MAST4: variants seen among roughly 807,000 people sequenced by gnomAD.
The protein encoded by MAST4 is microtubule associated serine/threonine kinase family member 4, also known as microtubule-associated serine/threonine-protein kinase 4.
A neutral mutation model predicts 162.7 loss-of-function variants in MAST4; 89 were observed. The ratio of observed to expected loss-of-function variants is 0.55; its 90% CI spans 0.46 to 0.65. The LOEUF (loss-of-function observed/expected upper bound fraction) is 0.65. Among genes scored for constraint, MAST4 ranks in the 30% least tolerant of loss-of-function variants. MAST4 has a pLI of 0.00. For missense variants in MAST4, 3,153 were observed against 3,374.0 expected, an observed-to-expected ratio of 0.93 and a Z score of 1.62; for synonymous variants, 1,479 against 1,361.1, an observed-to-expected ratio of 1.09 and a Z score of -1.91.
Position 66,788,712 on chromosome 5 carries a change from C to A in MAST4, c.560C>A (p.Pro187Gln). The change falls in exon 3 of 29, where the codon CCG (proline) becomes CAG (glutamine). Residue 187 changes from proline to glutamine, a missense_variant. Pro to Gln is a moderately conservative substitution (Grantham distance 76). This residue lies in a region of MAST4 where 327 missense variants were observed against 336.5 expected (regional missense o/e 0.97). Transcript: ENST00000403625. Reference sequence around the variant, plus strand: ...AACCCGGTGGCGGGACAGGCCTGGCCGGCCTCTGCAGAGACGTCCAACCTC... The same window carrying A: ...AACCCGGTGGCGGGACAGGCCTGGCAGGCCTCTGCAGAGACGTCCAACCTC... Reference protein sequence around the residue: ...LPNPVAGQAWPASAETSNLVR... With the variant: ...LPNPVAGQAWQASAETSNLVR... The A allele has an allele frequency of 6.2e-7, 1 of 1,613,546 alleles. No homozygotes were observed. The highest frequency in any genetic ancestry group is 8.5e-7 in the Non-Finnish European group (1 of 1,179,642).
chr5:66,748,381 CTTCCTTCCTTCT>C (rs1181526892), intron 1 of MAST4, among the ~76,000 whole-genome samples: 5 of 150,658 alleles, frequency 3.3e-5, no homozygotes, highest in South Asian at 2.2e-4. Context: ...TATAGGACCC[CTTCCTTCCTTCT>C]TTCCTTCCTT....
chr5:66,641,640 T>C (rs1049545407), intron 1 of MAST4, among the ~76,000 whole-genome samples: 9 of 152,080 alleles, frequency 5.9e-5, no homozygotes, highest in African/African-American at 1.9e-4. Flanking sequence ...GTGGAAAATA[T>C]AAATGATGAA....
At chr5:67,023,505 C>G (rs1197348095) in intron 4 of MAST4, among the ~76,000 whole-genome samples, 2 of 152,104 alleles carry the variant, frequency 1.3e-5, no homozygotes, top group African/African-American at 2.4e-5. Context: ...GCTTCAAGAC[C>G]TTAAAGATAC....
chr5:66,933,134 A>G (rs1193865791), intron 4 of MAST4, among the ~76,000 whole-genome samples: 1 of 152,176 alleles, frequency 6.6e-6, no homozygotes, highest in Non-Finnish European at 1.5e-5. Flanking sequence ...AGTCTTCCAT[A>G]GATTCTGTTC....
At chr5:66,620,508 T>TA (rs956423998) in intron 1 of MAST4, among the ~76,000 whole-genome samples, 2 of 151,860 alleles carry the variant, frequency 1.3e-5, no homozygotes, top group African/African-American at 2.4e-5. Context: ...TGATAGCCTT[T>TA]AAAAAAAACA....
intron 4 of MAST4, among the ~76,000 whole-genome samples, chr5:67,035,857 G>A (rs1990894): frequency 0.26 from 39,396 of 152,004 alleles, 5,588 homozygotes; most frequent in African/African-American, 0.35. Context: ...TTTAAATCGT[G>A]TCTAGGGTAC....
intron 3 of MAST4, among the ~76,000 whole-genome samples, chr5:66,850,232 G>A (rs1379492799): frequency 6.6e-6 from 1 of 152,204 alleles, no homozygotes; most frequent in South Asian, 2.1e-4. Context: ...TTTAAGTCTA[G>A]GAGAGAAACC....
chr5:66,675,285 A>G (rs1747872268), intron 1 of MAST4, among the ~76,000 whole-genome samples: 1 of 152,204 alleles, frequency 6.6e-6, no homozygotes, highest in African/African-American at 2.4e-5. Flanking sequence ...TCATTGGCAG[A>G]ACCCTCAAAC....
intron 24 of MAST4, among the ~76,000 whole-genome samples, chr5:67,151,792 G>T (rs1350055144): frequency 7.6e-6 from 1 of 131,108 alleles, no homozygotes; most frequent in African/African-American, 2.8e-5. Context: ...TTTTGAGATA[G>T]GGTCTTGCTC....
intron 4 of MAST4, among the ~76,000 whole-genome samples, chr5:67,033,939 G>A (rs1018675871): frequency 2.0e-5 from 3 of 152,090 alleles, no homozygotes; most frequent in African/African-American, 7.2e-5. Context: ...TTTCATTTTA[G>A]ATTTGTAACC....
chr5:67,108,410 G>A (rs1420013195), intron 10 of MAST4, among the ~76,000 whole-genome samples: 1 of 152,098 alleles, frequency 6.6e-6, no homozygotes, highest in Non-Finnish European at 1.5e-5. Context: ...TCATAAAGAA[G>A]ATGTAACCGT....
intron 4 of MAST4, among the ~76,000 whole-genome samples, chr5:66,958,123 G>T (rs1197687197): frequency 6.6e-6 from 1 of 151,692 alleles, no homozygotes; most frequent in Non-Finnish European, 1.5e-5. Flanking sequence ...CTCTCTCTTT[G>T]TGTGTGTGTG....
intron 4 of MAST4, among the ~76,000 whole-genome samples, chr5:66,937,127 G>A (rs189005425): frequency 7.9e-5 from 12 of 152,198 alleles, no homozygotes; most frequent in African/African-American, 2.9e-4. Flanking sequence ...AACACTTACG[G>A]TACTTTACTA....
chr5:67,112,732 C>T (rs1490059562), intron 11 of MAST4, among the ~76,000 whole-genome samples: 17 of 152,182 alleles, frequency 1.1e-4, no homozygotes. Flanking sequence ...TATCCAGAAG[C>T]TCCCCAAGTG....
At chr5:66,772,895 A>G (rs1754423053) in intron 2 of MAST4, among the ~76,000 whole-genome samples, 2 of 152,172 alleles carry the variant, frequency 1.3e-5, no homozygotes, top group Non-Finnish European at 2.9e-5. Flanking sequence ...GTCTTTGTAG[A>G]AAATGGGTTT....
At chr5:66,849,432 CCT>C (rs1202863144) in intron 3 of MAST4, among the ~76,000 whole-genome samples, 4 of 152,252 alleles carry the variant, frequency 2.6e-5, no homozygotes, top group Non-Finnish European at 4.4e-5. Context: ...TCCCCTTTCC[CCT>C]CTCTCTTTAC....
intron 3 of MAST4, among the ~76,000 whole-genome samples, chr5:66,884,681 C>G (rs958510496): frequency 1.3e-5 from 2 of 152,174 alleles, no homozygotes; most frequent in African/African-American, 4.8e-5. Flanking sequence ...CAAGGACTGT[C>G]CTAGTTTGTT....
At chr5:66,944,407 T>C (rs1272666754) in intron 4 of MAST4, among the ~76,000 whole-genome samples, 1 of 152,130 alleles carries the variant, frequency 6.6e-6, no homozygotes, top group Non-Finnish European at 1.5e-5. Context: ...AAAAATGTTA[T>C]TAAATTGGTA....
At chr5:66,774,540 C>T (rs1162821045) in intron 2 of MAST4, among the ~76,000 whole-genome samples, 1 of 152,228 alleles carries the variant, frequency 6.6e-6, no homozygotes, top group African/African-American at 2.4e-5. Context: ...TTCCACCTCT[C>T]TCTCCTTTGA....
Sources: gnomAD v4.1 joint callset for allele counts (sites outside exome capture counted in the v4.1 genomes callset) on GRCh38, gnomAD v4.1.1 for gene constraint, gnomAD v4.1.1 regional missense constraint, MANE v1.5 for transcripts, NCBI Gene and HGNC (gene_info 2026-07-23, HGNC 2026-07-21) for gene names.